The following HLA-DRB1 variants were observed in gnomAD, a reference collection of about 807,000 sequenced individuals.
HLA-DRB1 encodes the protein major histocompatibility complex, class II, DR beta 1 precursor.
Under a neutral mutation model 27.9 loss-of-function variants are expected in HLA-DRB1, and 10 were observed. The observed-to-expected ratio is 0.36, with a 90% CI of 0.22 to 0.61. The LOEUF is 0.61. HLA-DRB1 is among the 20% of genes least tolerant of loss of function. HLA-DRB1 has a pLI of 0.73. For missense variants in HLA-DRB1, 118 were observed against 306.3 expected, an observed-to-expected ratio of 0.39 and a Z score of 4.59; for synonymous variants, 57 against 126.7, an observed-to-expected ratio of 0.45 and a Z score of 3.69.
chr6:32,583,107 C>T (rs1581779416), intron 2 of HLA-DRB1, among the ~76,000 whole-genome samples: 1 of 90,492 alleles, frequency 1.1e-5, no homozygotes, highest in Non-Finnish European at 2.2e-5. Context: ...CAGAAAGTCA[C>T]TGAGAAAAAT....
At chr6:32,585,205 C>T (rs34954921) in intron 1 of HLA-DRB1, among the ~76,000 whole-genome samples, 357 of 75,712 alleles carry the variant, frequency 4.7e-3, no homozygotes, top group Middle Eastern at 8.1e-3. Context: ...TCCTATACAT[C>T]AGAACTAGCA....
chr6:32,579,170 T>A, intron 5 of HLA-DRB1, 66 bp from the exon 6 acceptor site: 1 of 578,198 alleles, frequency 1.7e-6, no homozygotes, highest in Non-Finnish European at 2.5e-6. Flanking sequence ...TTCCCCTCTT[T>A]CAAGGGCTCA....
At chr6:32,582,306 C>G (rs7745223) in intron 2 of HLA-DRB1, among the ~76,000 whole-genome samples, 3,681 of 44,652 alleles carry the variant, frequency 0.082, no homozygotes, top group Middle Eastern at 0.16. Flanking sequence ...ATATATAAAA[C>G]AATGACTGAA....
At chr6:32,580,300 A>C (rs767679220) in intron 4 of HLA-DRB1, 30 bp from the exon 5 acceptor site, 2 of 948,736 alleles carry the variant, frequency 2.1e-6, no homozygotes, top group Non-Finnish European at 3.1e-6. Flanking sequence ...ATATACACTT[A>C]AAAGTTATTG....
intron 1 of HLA-DRB1, among the ~76,000 whole-genome samples, chr6:32,589,250 G>A (rs9270255): frequency 0.07 from 9,230 of 130,960 alleles, 124 homozygotes; most frequent in African/African-American, 0.13. Context: ...GAGACCCTTT[G>A]AATTCCCTTG....
At chr6:32,582,352 A>G (rs367621820) in intron 2 of HLA-DRB1, among the ~76,000 whole-genome samples, 6,532 of 123,084 alleles carry the variant, frequency 0.053, 419 homozygotes, top group East Asian at 0.1. Context: ...AAAGCTTCTC[A>G]CTCCATTCCA....
chr6:32,580,690 A>G, intron 4 of HLA-DRB1, 56 bp downstream of exon 4: 11 of 1,458,026 alleles, frequency 7.5e-6, no homozygotes, highest in Admixed American at 1.9e-5. Context: ...CAGCAAAGCC[A>G]TAGTTCCTCC....
rs28724081 is a variant in HLA-DRB1 at position 32,584,075 on chromosome 6, C to T, written c.370+34G>A. 5 of 763,652 alleles carry T rather than the reference C, an allele frequency of 6.5e-6. 2 individuals carry two copies. Among genetic ancestry groups the T allele is most frequent in the Non-Finnish European group, 9.5e-6 (5 of 526,540 alleles). The allele number at this position is 763,652 out of a possible 1,614,324, so 47.3% of individuals were successfully genotyped here. A position where few individuals can be genotyped will look rare whatever the true frequency, so the allele number is the denominator to read the frequency against. The stretch of plus-strand genomic sequence containing the variant: ...CACACACACTCAGATTCCCAGCTCA[C>T]GGGGACTCAGGCCCCGCCCGCGGCC... On this transcript the variant is annotated intron_variant, in intron 2 of 5. Transcript: ENST00000360004.
In HLA-DRB1 at chr6:32,579,117, G is replaced by A. The variant is rs35985423; in HGVS notation, c.788-13C>T. 0.016 allele frequency: 14,766 copies of A among 933,314 alleles called. 3,073 individuals carry two copies. Among genetic ancestry groups the A allele is most frequent in the South Asian group, 0.081 (4,163 of 51,124 alleles). 57.8% of individuals were successfully genotyped at this position (933,314 alleles called of 1,614,324 possible). A position where few individuals can be genotyped will look rare whatever the true frequency, so the allele number is the denominator to read the frequency against. ...CAGCTCAGGAATCCTGCAAAAGACA[G>A]AGGAGAGTGTTGTTTTCAACCTGGC... is the stretch of plus-strand genomic sequence containing the variant. On this transcript the variant is annotated splice_polypyrimidine_tract_variant and intron_variant, in intron 5 of 5. Transcript: ENST00000360004.
In HLA-DRB1 at chr6:32,584,019, A is replaced by T. The variant is rs9269937; in HGVS notation, c.370+90T>A. ...CTCTGTCTCTCTCTGTCTCTCTCTC[A>T]CACACACACACACACACACACACAC... On this transcript the variant is annotated intron_variant, in intron 2 of 5. Coordinates refer to ENST00000360004, the Ensembl canonical transcript of HLA-DRB1. 218 of 55,050 alleles carry T rather than the reference A, an allele frequency of 4.0e-3. 12 individuals are homozygous for T. The highest frequency in any genetic ancestry group is 6.0e-3 in the South Asian group (69 of 11,570). 3.4% of individuals were successfully genotyped at this position (55,050 alleles called of 1,614,324 possible). A position where few individuals can be genotyped will look rare whatever the true frequency, so the allele number is the denominator to read the frequency against.
At chr6:32,587,061 C>A in intron 1 of HLA-DRB1, among the ~76,000 whole-genome samples, 1 of 70,728 alleles carries the variant, frequency 1.4e-5, no homozygotes, top group African/African-American at 5.7e-5. Context: ...CAATCCAATC[C>A]CCACAGAGTA....
Position 32,581,850 on chromosome 6 carries a change from A to G in HLA-DRB1, c.371-12T>C. 1.2e-6 allele frequency: 1 copy of G among 855,788 alleles called. No homozygotes were observed. The highest frequency in any genetic ancestry group is 1.7e-6 in the Non-Finnish European group (1 of 598,026). The allele number at this position is 855,788 out of a possible 1,614,324, so 53.0% of individuals were successfully genotyped here. On this transcript the variant is annotated splice_polypyrimidine_tract_variant and intron_variant, in intron 2 of 5. Transcript: ENST00000360004. The stretch of plus-strand genomic sequence containing the variant: ...CACCTTAGGTTGGACTAGGAGAAAA[A>G]CAACGTAGAGGGAATGAGTCAGGAA...
chr6:32,582,101 C>T (rs41293179), intron 2 of HLA-DRB1, among the ~76,000 whole-genome samples: 15,787 of 72,686 alleles, frequency 0.22, 1,927 homozygotes, highest in African/African-American at 0.27. Flanking sequence ...GTTTACAAAT[C>T]TTGGAAAGTA....
In HLA-DRB1 at chr6:32,587,801, A is replaced by T. The variant is rs28724159; in HGVS notation, c.100+1842T>A. On this transcript the variant is annotated intron_variant, in intron 1 of 5. Transcript: ENST00000360004. ...ACATTATCTTCTTTGTTAAATGCTT[A>T]TTGGGTTAGTGTCTGTCTCCTCTAC... Among the ~76,000 whole-genome samples the T allele has an allele frequency of 6.9e-3, 769 of 111,526 alleles. 4 individuals carry two copies. Among genetic ancestry groups the T allele is most frequent in the East Asian group, 0.011 (39 of 3,452 alleles). The allele number at this position is 111,526 out of a possible 152,430, so 73.2% of individuals were successfully genotyped here. A position where few individuals can be genotyped will look rare whatever the true frequency, so the allele number is the denominator to read the frequency against.
rs1276686648 is a variant in HLA-DRB1, at chr6:32,581,443, A to G, written c.652+114T>C. ...CCAGTGACCTGTGCTGATGGAGATG[A>G]GAACATGGAGCAAATTAAAATAGGA... On this transcript the variant is annotated intron_variant, in intron 3 of 5. Coordinates refer to ENST00000360004, the Ensembl canonical transcript of HLA-DRB1. 4.1e-4 allele frequency: 203 copies of G among 493,222 alleles called. No homozygotes were observed. In the East Asian group the frequency reaches 4.9e-3, roughly 12 times the overall value. 30.6% of individuals were successfully genotyped at this position (493,222 alleles called of 1,614,324 possible). A position where few individuals can be genotyped will look rare whatever the true frequency, so the allele number is the denominator to read the frequency against.
intron 5 of HLA-DRB1, 66 bp downstream of exon 5, chr6:32,580,180 TC>T (rs376034726): frequency 0.021 from 11,046 of 517,434 alleles, 2,356 homozygotes; most frequent in Admixed American, 0.062. Flanking sequence ...CACCCAGAAG[TC>T]CAGCTGGCTT....
At position 32,584,391 on chromosome 6, in the gene HLA-DRB1, G is replaced by A. The variant is rs28724105; in HGVS notation, c.101-13C>T. On this transcript the variant is annotated splice_polypyrimidine_tract_variant and intron_variant, in intron 1 of 5. Transcript: ENST00000360004. Reference sequence around the variant, plus strand: ...CACAGGAAACGTGCTGTGGGGACACGAACCATCCGGTCACAGGGCGGCCTC... The same window carrying A: ...CACAGGAAACGTGCTGTGGGGACACAAACCATCCGGTCACAGGGCGGCCTC... 2,660 of 711,818 alleles carry A rather than the reference G, an allele frequency of 3.7e-3. 171 individuals carry two copies. The highest frequency in any genetic ancestry group is 0.027 in the Middle Eastern group (88 of 3,228). The allele number at this position is 711,818 out of a possible 1,614,324, so 44.1% of individuals were successfully genotyped here. A position where few individuals can be genotyped will look rare whatever the true frequency, so the allele number is the denominator to read the frequency against.
chr6:32,588,574 T>C (rs1411761643), intron 1 of HLA-DRB1, among the ~76,000 whole-genome samples: 14 of 64,416 alleles, frequency 2.2e-4, no homozygotes, highest in East Asian at 1.1e-3. Context: ...GAGGAAGAGG[T>C]AAGCAGACAT....
chr6:32,581,404 C>G (rs28732324), intron 3 of HLA-DRB1, among the ~76,000 whole-genome samples, 153 bp downstream of exon 3: 1 of 50,502 alleles, frequency 2.0e-5, no homozygotes, highest in African/African-American at 9.1e-5. Context: ...CTAGAAACAC[C>G]TACAGGGCTA....
Sources: gnomAD v4.1 joint callset for allele counts (sites outside exome capture counted in the v4.1 genomes callset) on GRCh38, gnomAD v4.1.1 for gene constraint, MANE v1.5 for transcripts, NCBI Gene and HGNC (gene_info 2026-07-23, HGNC 2026-07-21) for gene names.